The following RALYL variants were observed in gnomAD, a reference collection of about 807,000 sequenced individuals.
RALYL encodes the protein RNA-binding Raly-like protein.
A neutral mutation model predicts 35.1 loss-of-function variants in RALYL; 29 were observed. That is an observed-to-expected ratio of 0.83 (90% CI 0.61 to 1.13). RALYL has a LOEUF of 1.13. Ranked by LOEUF, RALYL falls within the 50% of genes most tolerant of loss-of-function variation. The pLI is 0.00. For synonymous variants in RALYL, 120 were observed against 127.6 expected, an observed-to-expected ratio of 0.94 and a Z score of 0.40; for missense variants, 359 against 360.4, an observed-to-expected ratio of 1.00 and a Z score of 0.03.
At chr8:84,417,689 C>T (rs1310905447) in intron 1 of RALYL, among the ~76,000 whole-genome samples, 1 of 151,942 alleles carries the variant, frequency 6.6e-6, no homozygotes, top group Admixed American at 6.6e-5. Flanking sequence ...GCTAGATTTC[C>T]CACACTTAAA....
At chr8:84,187,082 C>T (rs1281099276) in intron 1 of RALYL, among the ~76,000 whole-genome samples, 1 of 151,988 alleles carries the variant, frequency 6.6e-6, no homozygotes, top group Admixed American at 6.6e-5. Context: ...GAGAGGGTTT[C>T]CAAGGTAAAG....
intron 5 of RALYL, among the ~76,000 whole-genome samples, chr8:84,851,516 TTTAA>T (rs1199047550): frequency 6.6e-6 from 1 of 152,182 alleles, no homozygotes; most frequent in East Asian, 1.9e-4. Context: ...ATTTTAAGCC[TTTAA>T]TTATGAGTAT....
intron 1 of RALYL, among the ~76,000 whole-genome samples, chr8:84,304,505 AGTT>A (rs1441815316): frequency 1.3e-5 from 2 of 152,178 alleles, no homozygotes; most frequent in African/African-American, 2.4e-5. Context: ...TTAGAAAATG[AGTT>A]GTTCTCATCT....
chr8:84,812,143 G>A (rs1263415875), intron 4 of RALYL, among the ~76,000 whole-genome samples: 1 of 152,134 alleles, frequency 6.6e-6, no homozygotes, highest in African/African-American at 2.4e-5. Flanking sequence ...CAGAGGGAAG[G>A]TCTAGGGCTG....
At chr8:84,567,419 G>C (rs2061857186) in intron 2 of RALYL, among the ~76,000 whole-genome samples, 1 of 151,680 alleles carries the variant, frequency 6.6e-6, no homozygotes, top group South Asian at 2.1e-4. Flanking sequence ...ATGTCCATGT[G>C]TGGCCATTGT....
rs1843156547 is a variant in RALYL, at chr8:84,887,776, G to A, written c.858G>A (p.Leu286=). The A allele has an allele frequency of 1.2e-6, 2 of 1,609,544 alleles. No individual in the cohort carries two copies. The highest frequency in any genetic ancestry group is 1.7e-5 in the Admixed American group (1 of 59,104). ...TCGATGAAGATGGGGGTCATGAGCT[G>A]GTAGGAAAGAAACATTTGGTATTCA... is the stretch of plus-strand genomic sequence containing the variant. The part of the protein sequence containing the change: ...EDFDEDGGHE[L]FLQIK The change falls in exon 8 of 9, where the codon CTG becomes CTA. Residue 286 remains leucine, a splice_region_variant and synonymous_variant. Coordinates refer to ENST00000521268, the MANE Select transcript of RALYL (RefSeq NM_173848.7).
intron 2 of RALYL, among the ~76,000 whole-genome samples, chr8:84,769,530 G>A (rs550407196): frequency 6.6e-6 from 1 of 152,170 alleles, no homozygotes; most frequent in Non-Finnish European, 1.5e-5. Flanking sequence ...GGAAGCCGAG[G>A]CTGGAGGATC....
In RALYL at chr8:84,651,618, A is replaced by G. The variant is rs76043796; in HGVS notation, c.256+122041A>G. On this transcript the variant is annotated intron_variant, in intron 2 of 8. Transcript: ENST00000521268. ...CAAAAATAAGTAACAGAATACATAAATATGTCATTTGATATACTTTACAGA... is the reference window on the plus strand; with the variant it reads ...CAAAAATAAGTAACAGAATACATAAGTATGTCATTTGATATACTTTACAGA... 2.0e-5 allele frequency among the ~76,000 whole-genome samples: 3 copies of G among 152,204 alleles called. No individual in the cohort carries two copies. In the East Asian group the frequency reaches 5.8e-4, roughly 29 times the overall value.
chr8:84,742,306 G>A (rs969916529), intron 2 of RALYL, among the ~76,000 whole-genome samples: 1 of 151,908 alleles, frequency 6.6e-6, no homozygotes, highest in African/African-American at 2.4e-5. Flanking sequence ...TTAAAAATAT[G>A]TGAGACCTTC....
intron 2 of RALYL, among the ~76,000 whole-genome samples, chr8:84,724,895 A>C (rs1441465962): frequency 1.3e-5 from 2 of 151,722 alleles, no homozygotes; most frequent in Non-Finnish European, 3.0e-5. Flanking sequence ...TCCAAATAGA[A>C]TACTTCAATG....
At chr8:84,210,169 T>C (rs938484774) in intron 1 of RALYL, among the ~76,000 whole-genome samples, 1 of 152,120 alleles carries the variant, frequency 6.6e-6, no homozygotes, top group African/African-American at 2.4e-5. Context: ...TGTCTAGTCT[T>C]GTGGCTTCAG....
intron 1 of RALYL, among the ~76,000 whole-genome samples, chr8:84,482,683 G>C (rs2054173014): frequency 6.6e-6 from 1 of 151,946 alleles, no homozygotes. Context: ...TACAATACTT[G>C]TTTTTACTTT....
At chr8:84,428,106 T>TCTCTCACA (rs1182382963) in intron 1 of RALYL, among the ~76,000 whole-genome samples, 25 of 127,340 alleles carry the variant, frequency 2.0e-4, no homozygotes, top group African/African-American at 2.8e-4. Flanking sequence ...TCTCTCTCTC[T>TCTCTCACA]CACACACACA....
intron 1 of RALYL, among the ~76,000 whole-genome samples, chr8:84,349,553 G>A (rs1165194712): frequency 6.7e-6 from 1 of 150,174 alleles, no homozygotes; most frequent in African/African-American, 2.5e-5. Flanking sequence ...GCAGTTACTT[G>A]AGCTTCAAAT....
intron 1 of RALYL, among the ~76,000 whole-genome samples, chr8:84,288,068 A>G (rs1407350509): frequency 6.6e-6 from 1 of 152,194 alleles, no homozygotes; most frequent in African/African-American, 2.4e-5. Flanking sequence ...GCTGAGTGTC[A>G]GGCTGGAAGT....
rs201804414 is a variant in RALYL, at chr8:84,887,599, C to G, written c.686-5C>G. 4.8e-4 allele frequency: 764 copies of G among 1,602,598 alleles called. 1 individual carries two copies. The African/African-American group carries it at 6.4e-3, about 14-fold the overall frequency. On this transcript the variant is annotated splice_polypyrimidine_tract_variant and splice_region_variant and intron_variant, in intron 7 of 8. Coordinates refer to ENST00000521268, the MANE Select transcript of RALYL (RefSeq NM_173848.7). ...TAGTAGTCATTTGCTTTCTCCCCCC[C>G]CCAGAAGCTCAGAAGAAGCAATTGG...
chr8:84,430,555 C>T (rs190652468), intron 1 of RALYL, among the ~76,000 whole-genome samples: 5 of 152,138 alleles, frequency 3.3e-5, no homozygotes, highest in African/African-American at 1.2e-4. Context: ...ATAAGAACCA[C>T]TGGGAGGAAA....
chr8:84,560,988 C>G (rs2061435791), intron 2 of RALYL, among the ~76,000 whole-genome samples: 1 of 152,044 alleles, frequency 6.6e-6, no homozygotes, highest in African/African-American at 2.4e-5. Flanking sequence ...ATTTAGGGAA[C>G]CACTGAAATC....
rs147844216 is a variant in RALYL at position 84,185,730 on chromosome 8, AAAC to A, written c.-24+1313_-24+1315del. On this transcript the variant is annotated intron_variant, in intron 1 of 8. Coordinates refer to ENST00000521268, the MANE Select transcript of RALYL (RefSeq NM_173848.7). ...CTGTAAAATAAACATAAAGCAAATG[AAAC>A]AACAACTTTTTACCTCTCAGATGAA... Among the ~76,000 whole-genome samples, 318 of 152,366 alleles carry A rather than the reference AAAC, an allele frequency of 2.1e-3. 2 individuals are homozygous for A. Among genetic ancestry groups the A allele is most frequent in the African/African-American group, 7.5e-3 (310 of 41,584 alleles).
Sources: gnomAD v4.1 joint callset for allele counts (sites outside exome capture counted in the v4.1 genomes callset) on GRCh38, gnomAD v4.1.1 for gene constraint, MANE v1.5 for transcripts, NCBI Gene and HGNC (gene_info 2026-07-23, HGNC 2026-07-21) for gene names.